TYMS: variants seen among roughly 807,000 people sequenced by gnomAD.
The protein encoded by TYMS is thymidylate synthetase.
A neutral mutation model predicts 39.3 loss-of-function variants in TYMS; 21 were observed. The ratio of observed to expected loss-of-function variants is 0.54; its 90% confidence interval spans 0.38 to 0.77. The LOEUF (loss-of-function observed/expected upper bound fraction) is 0.77, where lower values mean the gene tolerates loss of function less well. Among genes scored for constraint, TYMS ranks in the 30% least tolerant of loss-of-function variants. TYMS has a pLI of 0.00. For synonymous variants in TYMS, 171 were observed against 162.2 expected (o/e 1.05, Z -0.41); for missense variants, 273 against 406.7 (o/e 0.67, Z 2.83).
chr18:662,462 A>G (rs1310680260), intron 3 of TYMS, 142 bp downstream of exon 3: 7 of 648,184 alleles, frequency 1.1e-5, no homozygotes, highest in Non-Finnish European at 1.7e-5. Flanking sequence ...GGGTGGTGCC[A>G]GGTTAAGCCA....
At chr18:659,252 G>A (rs370829855) in intron 1 of TYMS, among the ~76,000 whole-genome samples, 1 of 151,770 alleles carries the variant, frequency 6.6e-6, no homozygotes, top group Non-Finnish European at 1.5e-5. Context: ...TCTGTGGCTC[G>A]ACACTTCTGA....
At chr18:668,784 T>G (rs2074913727) in intron 3 of TYMS, among the ~76,000 whole-genome samples, 1 of 151,986 alleles carries the variant, frequency 6.6e-6, no homozygotes. Context: ...GGGTTAGCTA[T>G]GGGGGGAACA....
Position 658,038 on chromosome 18 carries a change from C to G in TYMS, c.205+91C>G. 6.5e-7 allele frequency: 1 copy of G among 1,545,138 alleles called. No individual in the cohort carries two copies. The highest frequency in any genetic ancestry group is 8.7e-7 in the Non-Finnish European group (1 of 1,146,962). On this transcript the variant is annotated intron_variant, in intron 1 of 6. Transcript: ENST00000323274. The surrounding 1 kb of genome is among the most constrained non-coding windows in gnomAD (Gnocchi z 4.5). ...CGGGAGCTGCCGGGCGCTGCGGACC[C>G]CGTTTAGTCCTAACCTCAATCCTGC...
chr18:669,011 C>CCAT, intron 3 of TYMS, 61 bp from the exon 4 acceptor site: 1 of 1,381,604 alleles, frequency 7.2e-7, no homozygotes. Context: ...ACCTCTAAGG[C>CCAT]CATCTCATGA....
chr18:668,245 A>G (rs909056742), intron 3 of TYMS, among the ~76,000 whole-genome samples: 1 of 148,458 alleles, frequency 6.7e-6, no homozygotes, highest in East Asian at 1.9e-4. Context: ...AAAATCTTTG[A>G]TGTTACCTTT....
rs2074703592 is a variant in TYMS at position 657,807 on chromosome 18, C to T, written c.65C>T (p.Ala22Val). 1 of 1,464,512 alleles carries T rather than the reference C, an allele frequency of 6.8e-7. No homozygotes were observed. Among genetic ancestry groups the T allele is most frequent in the African/African-American group, 1.5e-5 (1 of 67,166 alleles). 90.7% of individuals were successfully genotyped at this position (1,464,512 alleles called of 1,614,324 possible). Residue 22 changes from alanine to valine, a missense_variant, in exon 1 of 7, where the codon GCC becomes GTC. Ala to Val is a moderately conservative substitution (Grantham distance 64, BLOSUM62 0). Around this residue, in one of 3 missense-constraint regions of TYMS, gnomAD observed 228 missense variants for 326.1 expected, o/e 0.70. Coordinates refer to ENST00000323274, the MANE Select transcript of TYMS (RefSeq NM_001071.4). Reference protein sequence around the residue: ...PLPPAAQERDAEPRPPHGELQ... With the variant: ...PLPPAAQERDVEPRPPHGELQ... ...CCCCCCGCCGCACAGGAGCGGGACG[C>T]CGAGCCGCGTCCGCCGCACGGGGAG... is the stretch of plus-strand genomic sequence containing the variant.
intron 5 of TYMS, 72 bp downstream of exon 5, chr18:670,939 C>T (rs2075014858): frequency 6.5e-7 from 1 of 1,529,404 alleles, no homozygotes; most frequent in Non-Finnish European, 8.9e-7. Flanking sequence ...TATGGGAAAA[C>T]AAATTGCAGA....
chr18:672,908 G>A lies in TYMS; in HGVS notation c.853G>A (p.Val285Ile), dbSNP rs779604534. ...CCCAAAGCTCAGGATTCTTCGAAAA[G>A]TTGAGAAAATTGATGACTTCAAAGC... ...PFPKLRILRK[V>I]EKIDDFKAED... The change falls in exon 7 of 7, where the codon GTT becomes ATT. Residue 285 changes from valine to isoleucine, a missense_variant. By Grantham distance (29) the Val-to-Ile change is conservative (BLOSUM62 3). Coordinates refer to ENST00000323274, the MANE Select transcript of TYMS (RefSeq NM_001071.4). 2 of 1,598,938 alleles carry A rather than the reference G, an allele frequency of 1.3e-6. No homozygotes were observed. The highest frequency in any genetic ancestry group is 1.3e-5 in the African/African-American group (1 of 74,788).
At chr18:670,670 T>C in intron 4 of TYMS, 22 bp from the exon 5 acceptor site, 1 of 1,612,260 alleles carries the variant, frequency 6.2e-7, no homozygotes, top group Non-Finnish European at 8.5e-7. Context: ...TCCCTCCTTA[T>C]CTTCCTCTGC....
chr18:658,233 C>T lies in TYMS; in HGVS notation c.205+286C>T, dbSNP rs773848513. ...GTCGCCCCAGTGATGCCGTGGCCCC[C>T]GAGGCGGGCGTCATCGGGCAGCGTT... On this transcript the variant is annotated intron_variant, in intron 1 of 6. Transcript: ENST00000323274. The surrounding 1 kb of genome is among the most constrained non-coding windows in gnomAD (Gnocchi z 4.5). 1.3e-6 allele frequency: 2 copies of T among 1,499,254 alleles called. No homozygotes were observed. Among genetic ancestry groups the T allele is most frequent in the South Asian group, 1.2e-5 (1 of 83,364 alleles). 92.9% of individuals were successfully genotyped at this position (1,499,254 alleles called of 1,614,324 possible). A position where few individuals can be genotyped will look rare whatever the true frequency, so the allele number is the denominator to read the frequency against.
At position 669,085 on chromosome 18, in the gene TYMS, G is replaced by A; in HGVS notation, c.468G>A (p.Gln156=). ...ACAATTCTACAGATTATTCAGGACAGGGAGTTGACCAACTGCAAAGAGTGA... is the reference window on the plus strand; with the variant it reads ...ACAATTCTACAGATTATTCAGGACAAGGAGTTGACCAACTGCAAAGAGTGA... The part of the protein sequence containing the change: ...YRDMESDYSG[Q]GVDQLQRVID... Residue 156 remains glutamine, a synonymous_variant, in exon 4 of 7, where the codon CAG becomes CAA. Transcript: ENST00000323274. 1 of 1,614,018 alleles carries A rather than the reference G, an allele frequency of 6.2e-7. No homozygotes were observed. Among genetic ancestry groups the A allele is most frequent in the South Asian group, 1.1e-5 (1 of 91,088 alleles).
intron 6 of TYMS, 158 bp downstream of exon 6, chr18:671,609 C>G: frequency 1.5e-6 from 1 of 654,274 alleles, no homozygotes; most frequent in Non-Finnish European, 2.7e-6. Context: ...GTGGGCAGGA[C>G]AAGGCAGGCA....
chr18:658,423 A>G lies in TYMS; in HGVS notation c.205+476A>G, dbSNP rs3891167. 0.25 allele frequency: 275,967 copies of G among 1,086,018 alleles called. 36,440 individuals are homozygous for G. Among genetic ancestry groups the G allele is most frequent in the African/African-American group, 0.32 (18,898 of 59,688 alleles). 67.3% of individuals were successfully genotyped at this position (1,086,018 alleles called of 1,614,324 possible). A position where few individuals can be genotyped will look rare whatever the true frequency, so the allele number is the denominator to read the frequency against. ...ATGTGGGCGGGGCAAAGGCGGCGGG[A>G]AGAGGAGAGCACTGAAGCTGGCGCG... On this transcript the variant is annotated intron_variant, in intron 1 of 6. Transcript: ENST00000323274. This position sits in a 1 kb window ranked among gnomAD's most constrained non-coding sequence, Gnocchi z 4.5.
Position 658,090 on chromosome 18 carries a change from G to T in TYMS, c.205+143G>T, listed in dbSNP as rs2074709969. ...AGGGAGGGGACGCATCGTCCTCCTC[G>T]CCTTACAGACGCCGAAACGGAGGGT... is the stretch of plus-strand genomic sequence containing the variant. On this transcript the variant is annotated intron_variant, in intron 1 of 6. Transcript: ENST00000323274. The surrounding 1 kb of genome is among the most constrained non-coding windows in gnomAD (Gnocchi z 4.5). 2 of 1,581,668 alleles carry T rather than the reference G, an allele frequency of 1.3e-6. No individual in the cohort carries two copies. Among genetic ancestry groups the T allele is most frequent in the Admixed American group, 1.8e-5 (1 of 56,758 alleles).
chr18:672,661 T>A, intron 6 of TYMS, 199 bp from the exon 7 acceptor site: 1 of 441,494 alleles, frequency 2.3e-6, no homozygotes, highest in East Asian at 3.3e-5. Context: ...AAAATACCCC[T>A]CACTCTCGAT....
intron 6 of TYMS, 145 bp downstream of exon 6, chr18:671,596 C>T (rs2075053206): frequency 1.5e-6 from 1 of 679,270 alleles, no homozygotes. Flanking sequence ...AAGTGGTGGG[C>T]AGGTGGGCAG....
intron 3 of TYMS, 61 bp downstream of exon 3, chr18:662,381 CGTT>C: frequency 6.8e-7 from 1 of 1,474,276 alleles, no homozygotes; most frequent in Non-Finnish European, 9.2e-7. Context: ...GTGTTTGCTC[CGTT>C]GTTTTAGATA....
Position 662,179 on chromosome 18 carries a change from G to C in TYMS, c.313G>C (p.Gly105Arg). ...STNAKELSSK[G>R]VKIWDANGSR... The stretch of plus-strand genomic sequence containing the variant: ...AAATGCTAAAGAGCTGTCTTCCAAG[G>C]GAGTGAAAATCTGGGATGCCAATGG... The change falls in exon 3 of 7, where the codon GGA (glycine) becomes CGA (arginine). Residue 105 changes from glycine (G) to arginine (R), a missense_variant. By Grantham distance (125) the Gly-to-Arg change is moderately radical (BLOSUM62 -2). Coordinates refer to ENST00000323274, the MANE Select transcript of TYMS (RefSeq NM_001071.4). 6.2e-7 allele frequency: 1 copy of C among 1,613,592 alleles called. No homozygotes were observed.
intron 4 of TYMS, 24 bp from the exon 5 acceptor site, chr18:670,668 T>TATC: frequency 6.2e-7 from 1 of 1,612,044 alleles, no homozygotes. Flanking sequence ...CATCCCTCCT[T>TATC]ATCTTCCTCT....
Sources: gnomAD v4.1 joint callset for allele counts (sites outside exome capture counted in the v4.1 genomes callset) on GRCh38, gnomAD v4.1.1 for gene constraint, gnomAD v4.1.1 regional missense constraint, Gnocchi (gnomAD v3.1) non-coding constraint, MANE v1.5 for transcripts, NCBI Gene and HGNC (gene_info 2026-07-23, HGNC 2026-07-21) for gene names.